Variants in IL4I1 observed in about 807,000 individuals in gnomAD.
IL4I1 encodes L-amino-acid oxidase.
In IL4I1, 24 loss-of-function variants were observed where a neutral mutation model predicts 29.7. The observed-to-expected ratio is 0.81, with a 90% confidence interval of 0.59 to 1.14. The LOEUF is 1.14. IL4I1 is among the 50% of genes most tolerant of loss of function. The pLI is 0.00. For missense variants in IL4I1, 686 were observed against 785.6 expected (o/e 0.87, Z 1.52); for synonymous variants, 371 against 352.5 (o/e 1.05, Z -0.59).
rs770270275 is a variant in IL4I1, at chr19:49,890,549, G to A, written c.825C>T (p.Ser275=). The A allele has an allele frequency of 1.2e-5, 19 of 1,598,490 alleles. No individual in the cohort carries two copies. Among genetic ancestry groups the A allele is most frequent in the Non-Finnish European group, 1.6e-5 (19 of 1,174,640 alleles). ...GWDLLPRALL[S]SLSGLVLLNA... is the part of the protein sequence containing the mutation. ...TCAACAGCACAAGCCCGGACAGCGA[G>A]CTCAGCAGCGCGCGCGGCAGCAGGT... The change falls in exon 8 of 8, where the codon AGC becomes AGT. Residue 275 remains serine (S), a synonymous_variant. Transcript: ENST00000391826.
chr19:49,925,090 C>T (rs957384314), intron 2 of IL4I1, among the ~76,000 whole-genome samples: 7 of 151,792 alleles, frequency 4.6e-5, no homozygotes, highest in East Asian at 1.9e-4. Flanking sequence ...GGAGAAACCC[C>T]GTCTCTACTA....
At position 49,918,504 on chromosome 19, in the gene IL4I1, A is replaced by G. The variant is rs571957104; in HGVS notation, c.-228+9190T>C. The G allele has an allele frequency of 2.0e-5, 3 of 152,354 alleles. No individual in the cohort carries two copies. The South Asian group carries it at 6.2e-4, about 32-fold the overall frequency. 9.4% of individuals were successfully genotyped at this position (152,354 alleles called of 1,614,324 possible). ...AGTAGGGAGGGAGGAAGGGACAGGG[A>G]TACCTGTGGGTTTTCAACTGTCCTC... is the stretch of plus-strand genomic sequence containing the variant. On this transcript the variant is annotated intron_variant, in intron 2 of 9. Coordinates refer to the IL4I1 transcript ENST00000341114.
At chr19:49,909,443 G>T in intron 2 of IL4I1, 1 of 1,614,140 alleles carries the variant, frequency 6.2e-7, no homozygotes, top group Non-Finnish European at 8.5e-7. Flanking sequence ...TATGGCATTA[G>T]TGAGGTTGCT....
chr19:49,920,751 G>A (rs1568718201), intron 2 of IL4I1, among the ~76,000 whole-genome samples: 2 of 152,346 alleles, frequency 1.3e-5, no homozygotes, highest in Admixed American at 6.5e-5. Context: ...CTGGTTGGCG[G>A]TGCAGGCACA....
chr19:49,908,114 G>A, intron 2 of IL4I1: 5 of 1,510,890 alleles, frequency 3.3e-6, no homozygotes, highest in East Asian at 2.5e-5. Flanking sequence ...ATCATGTCAA[G>A]GGCAGTCATG....
At position 49,890,344 on chromosome 19, in the gene IL4I1, G is replaced by A. The variant is rs780561942; in HGVS notation, c.1030C>T (p.Leu344=). The change falls in exon 8 of 8, where the codon CTG becomes TTG. Residue 344 remains leucine (L), a synonymous_variant. Coordinates refer to ENST00000391826, the MANE Select transcript of IL4I1 (RefSeq NM_152899.2). ...PPLPRHMQEA[L]RRLHYVPATK... ...GCCGGCACGTAGTGCAGCCTCCGCA[G>A]CGCCTCCTGCATGTGGCGGGGCAGC... 5.0e-6 allele frequency: 8 copies of A among 1,607,734 alleles called. No individual in the cohort carries two copies. The East Asian group carries it at 1.8e-4, about 36-fold the overall frequency.
At chr19:49,898,367 G>A (rs1310535992), upstream of IL4I1, among the ~76,000 whole-genome samples, 10 of 152,116 alleles carry the variant, frequency 6.6e-5, no homozygotes, top group African/African-American at 1.7e-4. Context: ...GGCCGGGTGC[G>A]GAGGCTCACT....
In IL4I1 at chr19:49,896,037, G is replaced by A. The variant is rs377211152; in HGVS notation, c.30C>T (p.Val10=). The change falls in exon 3 of 8, where the codon GTC becomes GTT. Residue 10 remains valine (V), a synonymous_variant. Coordinates refer to ENST00000391826, the MANE Select transcript of IL4I1 (RefSeq NM_152899.2). The stretch of plus-strand genomic sequence containing the variant: ...CCAGGCTGAGGAGGATGGGGACGAG[G>A]ACGAGGAGGTGCAGGGCTGGGAGGA... MAPLALHLL[V]LVPILLSLVA... 2 of 1,613,976 alleles carry A rather than the reference G, an allele frequency of 1.2e-6. No homozygotes were observed. Among genetic ancestry groups the A allele is most frequent in the African/African-American group, 1.3e-5 (1 of 74,928 alleles).
At chr19:49,901,552 G>T, upstream of IL4I1, 1 of 870,756 alleles carries the variant, frequency 1.1e-6, no homozygotes, top group Non-Finnish European at 1.6e-6. Context: ...CCAATCTTTG[G>T]CCTGACCCCA....
chr19:49,901,626 TG>T, upstream of IL4I1: 4 of 1,490,978 alleles, frequency 2.7e-6, no homozygotes, highest in Non-Finnish European at 3.6e-6. Flanking sequence ...GGGCCCCGGG[TG>T]GGGGCACTCA....
chr19:49,890,928 T>TTCCCCCCCCCCCCCCCCCCCCCCCCCCC, intron 7 of IL4I1, 43 bp downstream of exon 7: 2 of 633,210 alleles, frequency 3.2e-6, no homozygotes, highest in Admixed American at 3.6e-5. Context: ...TTTCCCTGAT[T>TTCCCCCCCCCCCCCCCCCCCCCCCCCCC]GCCCCCCGCC....
chr19:49,894,580 A>C, intron 4 of IL4I1, 111 bp from the exon 5 acceptor site: 4 of 342,972 alleles, frequency 1.2e-5, no homozygotes, highest in Non-Finnish European at 1.5e-5. Context: ...GACCAGCATG[A>C]GGCTGGGGGT....
rs375297096 is a variant in IL4I1 at position 49,909,091 on chromosome 19, G to A, written c.-227-4770C>T. The A allele has an allele frequency of 8.1e-6, 13 of 1,612,496 alleles. No individual in the cohort carries two copies. The African/African-American group carries it at 1.3e-4, about 17-fold the overall frequency. ...CGCCCGCTGTGGTCACAGGGGTACA[G>A]AGGGAGAGTCCAGTGGTGGCAGATG... On this transcript the variant is annotated intron_variant, in intron 2 of 9. Transcript: ENST00000341114.
In IL4I1 at chr19:49,909,636, C is replaced by T. The variant is rs755566695; in HGVS notation, c.-227-5315G>A. The T allele has an allele frequency of 2.9e-5, 47 of 1,613,968 alleles. No individual in the cohort carries two copies. Among genetic ancestry groups the T allele is most frequent in the South Asian group, 1.1e-4 (10 of 91,088 alleles). On this transcript the variant is annotated intron_variant, in intron 2 of 9. Transcript: ENST00000341114. ...GTCTGGGTGGCAAGTGAGAACAGGC[C>T]GGTGGAAGGGGTACTTGTGGCTGGT...
intron 4 of IL4I1, 61 bp from the exon 5 acceptor site, chr19:49,894,530 G>C: frequency 7.0e-7 from 1 of 1,436,706 alleles, no homozygotes; most frequent in Non-Finnish European, 9.8e-7. Flanking sequence ...GGTCCCTAGT[G>C]GGACTTGGAG....
Position 49,890,540 on chromosome 19 carries a change from G to T in IL4I1, c.834C>A (p.Ser278=), listed in dbSNP as rs140869136. ...LLPRALLSSL[S]GLVLLNAPVV... The stretch of plus-strand genomic sequence containing the variant: ...CGGGCGCGTTCAACAGCACAAGCCC[G>T]GACAGCGAGCTCAGCAGCGCGCGCG... Residue 278 remains serine (S), a synonymous_variant, in exon 8 of 8, where the codon TCC becomes TCA. Transcript: ENST00000391826. 6.2e-7 allele frequency: 1 copy of T among 1,604,314 alleles called. No individual in the cohort carries two copies. The highest frequency in any genetic ancestry group is 8.5e-7 in the Non-Finnish European group (1 of 1,177,224).
intron 2 of IL4I1, among the ~76,000 whole-genome samples, chr19:49,918,037 A>G (rs1304337419): frequency 6.6e-6 from 1 of 151,862 alleles, no homozygotes; most frequent in Non-Finnish European, 1.5e-5. Context: ...AAACAAACAA[A>G]CAAAAACCCA....
rs1271060989 is a variant in IL4I1, at chr19:49,908,976, T to C, written c.-227-4655A>G. 1.2e-6 allele frequency: 2 copies of C among 1,609,174 alleles called. No individual in the cohort carries two copies. Among genetic ancestry groups the C allele is most frequent in the South Asian group, 2.2e-5 (2 of 90,954 alleles). ...CTGCTGCTGCTGGTGGTGGTGGCGG[T>C]GGCGGTGGCAGCGGTGGATGTTGTT... On this transcript the variant is annotated intron_variant, in intron 2 of 9. Transcript: ENST00000341114.
chr19:49,919,001 A>G (rs2075698832), intron 2 of IL4I1, among the ~76,000 whole-genome samples: 1 of 151,724 alleles, frequency 6.6e-6, no homozygotes, highest in Non-Finnish European at 1.5e-5. Context: ...AAAAATTACA[A>G]AATTAGCCAG....
Sources: gnomAD v4.1 joint callset for allele counts (sites outside exome capture counted in the v4.1 genomes callset) on GRCh38, gnomAD v4.1.1 for gene constraint, MANE v1.5 for transcripts, NCBI Gene and HGNC (gene_info 2026-07-23, HGNC 2026-07-21) for gene names.